Variants in COMMD10 observed in about 807,000 individuals in gnomAD.
The protein encoded by COMMD10 is COMM domain-containing protein 10.
Under a neutral mutation model 28.9 loss-of-function variants are expected in COMMD10, and 33 were observed. That is an observed-to-expected ratio of 1.14 (90% CI 0.87 to 1.53). COMMD10 has a LOEUF of 1.53. Ranked by LOEUF, COMMD10 falls within the 40% of genes most tolerant of loss-of-function variation. The pLI, the probability that COMMD10 is intolerant of heterozygous loss-of-function variation, is 0.00. For synonymous variants in COMMD10, 110 were observed against 81.7 expected, an observed-to-expected ratio of 1.35 and a Z score of -1.87; for missense variants, 310 against 233.4, an observed-to-expected ratio of 1.33 and a Z score of -2.14.
intron 5 of COMMD10, among the ~76,000 whole-genome samples, chr5:116,241,751 T>A (rs1749819530): frequency 6.6e-6 from 1 of 152,232 alleles, no homozygotes; most frequent in South Asian, 2.1e-4. Flanking sequence ...TAGCTGGGAC[T>A]ACAGGCGCCC....
At chr5:116,271,193 A>G (rs1424984930) in intron 5 of COMMD10, among the ~76,000 whole-genome samples, 1 of 140,284 alleles carries the variant, frequency 7.1e-6, no homozygotes, top group Admixed American at 7.0e-5. Flanking sequence ...GGTTTTGTTT[A>G]TGTCAGTTTT....
At chr5:116,284,208 A>G (rs1160889248) in intron 5 of COMMD10, among the ~76,000 whole-genome samples, 1 of 151,946 alleles carries the variant, frequency 6.6e-6, no homozygotes, top group East Asian at 1.9e-4. Context: ...CCAATTTTGC[A>G]TTATATGAAA....
intron 5 of COMMD10, among the ~76,000 whole-genome samples, chr5:116,193,428 C>T (rs557175951): frequency 2.6e-5 from 4 of 152,226 alleles, no homozygotes; most frequent in South Asian, 2.1e-4. Flanking sequence ...GGAGACTCAC[C>T]TAACACCTAA....
intron 5 of COMMD10, among the ~76,000 whole-genome samples, chr5:116,278,431 T>G: frequency 6.6e-6 from 1 of 151,810 alleles, no homozygotes; most frequent in Non-Finnish European, 1.5e-5. Context: ...TCCAAGTTTG[T>G]GATCTGCTCA....
intron 5 of COMMD10, among the ~76,000 whole-genome samples, chr5:116,211,805 C>T (rs1240669061): frequency 6.6e-6 from 1 of 152,164 alleles, no homozygotes; most frequent in East Asian, 1.9e-4. Context: ...CTCACAGAGG[C>T]AGTCAACTGT....
chr5:116,255,257 G>A (rs1322119914), intron 5 of COMMD10, among the ~76,000 whole-genome samples: 1 of 151,636 alleles, frequency 6.6e-6, no homozygotes, highest in Non-Finnish European at 1.5e-5. Context: ...TATCCAATTT[G>A]CCAGTCTGTG....
At chr5:116,139,604 C>A (rs1267517537) in intron 5 of COMMD10, among the ~76,000 whole-genome samples, 1 of 146,474 alleles carries the variant, frequency 6.8e-6, no homozygotes, top group African/African-American at 2.6e-5. Context: ...TTTTTTTTTT[C>A]ATTGAAGTAT....
At chr5:116,145,080 G>A (rs1280132524) in intron 5 of COMMD10, among the ~76,000 whole-genome samples, 1 of 151,874 alleles carries the variant, frequency 6.6e-6, no homozygotes, top group Non-Finnish European at 1.5e-5. Flanking sequence ...GGTGGAAAGA[G>A]AAAGTTGCAA....
At chr5:116,143,188 T>C (rs1282449105) in intron 5 of COMMD10, among the ~76,000 whole-genome samples, 1 of 151,286 alleles carries the variant, frequency 6.6e-6, no homozygotes, top group East Asian at 1.9e-4. Flanking sequence ...AATGCAAACT[T>C]CCTCCATATA....
intron 5 of COMMD10, among the ~76,000 whole-genome samples, chr5:116,200,024 A>C (rs567804378): frequency 6.6e-6 from 1 of 152,282 alleles, no homozygotes; most frequent in East Asian, 1.9e-4. Flanking sequence ...TTAATGGGGT[A>C]CTTGTGATGT....
chr5:116,095,987 TCA>T (rs1750455103), intron 4 of COMMD10, among the ~76,000 whole-genome samples: 7 of 152,158 alleles, frequency 4.6e-5, no homozygotes, highest in Admixed American at 4.6e-4. Context: ...TATGCCAATA[TCA>T]CACTGCCTTA....
At chr5:116,273,639 T>A (rs1750818466) in intron 5 of COMMD10, among the ~76,000 whole-genome samples, 1 of 151,722 alleles carries the variant, frequency 6.6e-6, no homozygotes, top group Admixed American at 6.6e-5. Context: ...TAAACCAAAT[T>A]GTGAAGCTTC....
chr5:116,188,108 A>G (rs12522441), intron 5 of COMMD10, among the ~76,000 whole-genome samples: 16,097 of 152,170 alleles, frequency 0.11, 951 homozygotes, highest in African/African-American at 0.15. Flanking sequence ...AACCTAGATG[A>G]ACATTGGTAC....
chr5:116,229,304 C>T (rs1749471584), intron 5 of COMMD10, among the ~76,000 whole-genome samples: 1 of 151,934 alleles, frequency 6.6e-6, no homozygotes, highest in Non-Finnish European at 1.5e-5. Context: ...GACAGGTATT[C>T]ATATGTAATA....
chr5:116,104,188 T>G (rs1333989533), intron 4 of COMMD10, among the ~76,000 whole-genome samples: 2 of 152,198 alleles, frequency 1.3e-5, no homozygotes, highest in African/African-American at 4.8e-5. Context: ...GTGAGGAAAG[T>G]CAATGGTAGC....
At chr5:116,111,694 T>G (rs189224455) in intron 4 of COMMD10, among the ~76,000 whole-genome samples, 1 of 152,332 alleles carries the variant, frequency 6.6e-6, no homozygotes, top group East Asian at 1.9e-4. Context: ...TGGCATAACA[T>G]ATGGTCTATA....
At chr5:116,282,104 C>T (rs893060761) in intron 5 of COMMD10, among the ~76,000 whole-genome samples, 1 of 151,888 alleles carries the variant, frequency 6.6e-6, no homozygotes, top group African/African-American at 2.4e-5. Context: ...GGATCCTGCC[C>T]TTCTTCAGAT....
rs1402478814 is a variant in COMMD10, at chr5:116,292,962, G to C, written c.*473G>C. 4 of 396,872 alleles carry C rather than the reference G, an allele frequency of 1.0e-5. No individual in the cohort carries two copies. Among genetic ancestry groups the C allele is most frequent in the Non-Finnish European group, 1.8e-5 (4 of 225,020 alleles). The allele number at this position is 396,872 out of a possible 1,614,324, so 24.6% of individuals were successfully genotyped here. ...TATGGCATTTTTATTTGAATATGATGAGTATATTTTGCTTCGGAAATAATA... is the reference window on the plus strand; with the variant it reads ...TATGGCATTTTTATTTGAATATGATCAGTATATTTTGCTTCGGAAATAATA... On this transcript the variant is annotated 3_prime_UTR_variant, in exon 7 of 7. Transcript: ENST00000274458.
At chr5:116,237,465 T>A (rs1749697863) in intron 5 of COMMD10, among the ~76,000 whole-genome samples, 1 of 151,936 alleles carries the variant, frequency 6.6e-6, no homozygotes, top group South Asian at 2.1e-4. Context: ...TTCATAAACT[T>A]GAAAAAAAAT....
Sources: allele counts gnomAD v4.1 joint callset (sites outside exome capture counted in the v4.1 genomes callset), GRCh38; gene constraint gnomAD v4.1.1; transcripts MANE v1.5; gene names NCBI Gene and HGNC (gene_info 2026-07-23, HGNC 2026-07-21).